The following FAM107B variants were observed in gnomAD, a reference collection of about 807,000 sequenced individuals.
The protein encoded by FAM107B is protein FAM107B.
A neutral mutation model predicts 31.5 loss-of-function variants in FAM107B; 21 were observed. That is an observed-to-expected ratio of 0.67 (90% CI 0.47 to 0.96). FAM107B has a LOEUF of 0.96. FAM107B is among the 40% of genes least tolerant of loss of function. The probability of loss-of-function intolerance (pLI) is 0.00; values close to 1 mark genes in which losing one functional copy is unlikely to be tolerated. For synonymous variants in FAM107B, 157 were observed against 141.5 expected, an observed-to-expected ratio of 1.11 and a Z score of -0.78; for missense variants, 452 against 377.1, an observed-to-expected ratio of 1.20 and a Z score of -1.64.
chr10:14,746,834 T>G (rs569084022), intron 1 of FAM107B, among the ~76,000 whole-genome samples: 2 of 152,348 alleles, frequency 1.3e-5, no homozygotes, highest in East Asian at 1.9e-4. Flanking sequence ...AATTTGAATG[T>G]TGATCTATCT....
intron 3 of FAM107B, among the ~76,000 whole-genome samples, chr10:14,527,088 C>T (rs920406379): frequency 6.6e-6 from 1 of 151,904 alleles, no homozygotes; most frequent in African/African-American, 2.4e-5. Context: ...CCACCCGCCT[C>T]GGCCTCCCAA....
intron 1 of FAM107B, among the ~76,000 whole-genome samples, chr10:14,706,670 C>T (rs1855527476): frequency 6.6e-6 from 1 of 152,194 alleles, no homozygotes; most frequent in Non-Finnish European, 1.5e-5. Flanking sequence ...CATTGTAAGG[C>T]ATAAAATCCA....
intron 2 of FAM107B, among the ~76,000 whole-genome samples, chr10:14,539,742 C>T (rs1847989001): frequency 6.6e-6 from 1 of 152,168 alleles, no homozygotes; most frequent in African/African-American, 2.4e-5. Flanking sequence ...CAAGGGCCCA[C>T]AGACAACTAT....
chr10:14,686,674 A>G (rs1207102987), intron 1 of FAM107B, among the ~76,000 whole-genome samples: 1 of 152,222 alleles, frequency 6.6e-6, no homozygotes, highest in East Asian at 1.9e-4. Context: ...TTTAGACTCC[A>G]GGCCTGGCAA....
chr10:14,636,122 T>A (rs1853492247), intron 2 of FAM107B, among the ~76,000 whole-genome samples: 1 of 152,186 alleles, frequency 6.6e-6, no homozygotes, highest in Non-Finnish European at 1.5e-5. Context: ...ACTTCTTCGA[T>A]GCTCCTTTGG....
At chr10:14,532,709 G>A (rs1847150377) in intron 2 of FAM107B, 1 of 152,220 alleles carries the variant, frequency 6.6e-6, no homozygotes, top group Non-Finnish European at 1.5e-5. Flanking sequence ...TCAGCCACAA[G>A]TGTCTGAAAA....
At chr10:14,598,013 A>AGTTGGGTTCTTCATTTTTTT (rs1278021115) in intron 2 of FAM107B, among the ~76,000 whole-genome samples, 1 of 152,098 alleles carries the variant, frequency 6.6e-6, no homozygotes, top group Non-Finnish European at 1.5e-5. Context: ...CCCATTTTTT[A>AGTTGGGTTCTTCATTTTTTT]GTTGGGTTCT....
At chr10:14,559,112 A>C (rs1343881196) in intron 2 of FAM107B, among the ~76,000 whole-genome samples, 25 of 68,992 alleles carry the variant, frequency 3.6e-4, no homozygotes, top group South Asian at 1.9e-3. Context: ...AAAAAAAAAA[A>C]AAAAACAAAA....
In FAM107B at chr10:14,520,450, C is replaced by T; in HGVS notation, c.*740G>A. ...ATTTAAAAACAAAACTGAACAGAAA[C>T]CCTCCTAGTAATCAAAGCAATTAAT... On this transcript the variant is annotated 3_prime_UTR_variant, in exon 5 of 5. Transcript: ENST00000181796. 1 of 152,354 alleles carries T rather than the reference C, an allele frequency of 6.6e-6. No individual in the cohort carries two copies. The allele number at this position is 152,354 out of a possible 1,614,324, so 9.4% of individuals were successfully genotyped here. A position where few individuals can be genotyped will look rare whatever the true frequency, so the allele number is the denominator to read the frequency against.
chr10:14,574,690 T>A (rs898613162), intron 2 of FAM107B, among the ~76,000 whole-genome samples: 1 of 152,202 alleles, frequency 6.6e-6, no homozygotes, highest in African/African-American at 2.4e-5. Flanking sequence ...GAAAAAGAAT[T>A]ACGAAATTAT....
At chr10:14,570,163 T>C (rs770586015) in intron 2 of FAM107B, among the ~76,000 whole-genome samples, 16 of 152,126 alleles carry the variant, frequency 1.1e-4, no homozygotes, top group Admixed American at 3.9e-4. Flanking sequence ...CCTATGTTAA[T>C]ATAAGGGTAG....
At chr10:14,686,044 A>G (rs917989125) in intron 1 of FAM107B, among the ~76,000 whole-genome samples, 1 of 152,142 alleles carries the variant, frequency 6.6e-6, no homozygotes, top group Admixed American at 6.6e-5. Flanking sequence ...CCCTGATTCA[A>G]TTATCTCCAC....
chr10:14,646,743 A>G (rs1035991109), intron 2 of FAM107B, among the ~76,000 whole-genome samples: 2 of 148,082 alleles, frequency 1.4e-5, no homozygotes, highest in Admixed American at 6.7e-5. Flanking sequence ...AGAGCTCGCC[A>G]TACTGTTTTC....
intron 2 of FAM107B, among the ~76,000 whole-genome samples, chr10:14,620,731 T>G (rs551257639): frequency 6.6e-6 from 1 of 152,268 alleles, no homozygotes; most frequent in East Asian, 1.9e-4. Flanking sequence ...CCTCCCTGTG[T>G]CCATGTGTTC....
intron 1 of FAM107B, among the ~76,000 whole-genome samples, chr10:14,739,237 G>T (rs2601750): frequency 0.49 from 74,533 of 151,966 alleles, 19,872 homozygotes; most frequent in African/African-American, 0.72. Context: ...AGCCTCCATC[G>T]CTCCATGACG....
At chr10:14,655,284 A>G (rs916977176) in intron 2 of FAM107B, among the ~76,000 whole-genome samples, 2 of 152,254 alleles carry the variant, frequency 1.3e-5, no homozygotes, top group Admixed American at 6.5e-5. Flanking sequence ...TCAAATTTCA[A>G]CATGAGATTT....
At chr10:14,663,416 A>C (rs1366157062) in intron 2 of FAM107B, 2 of 152,296 alleles carry the variant, frequency 1.3e-5, no homozygotes, top group Admixed American at 6.5e-5. Flanking sequence ...CCCCCATCCA[A>C]GTACTAACCA....
intron 1 of FAM107B, among the ~76,000 whole-genome samples, chr10:14,709,853 A>G (rs1035029477): frequency 6.6e-6 from 1 of 152,242 alleles, no homozygotes; most frequent in Non-Finnish European, 1.5e-5. Flanking sequence ...TTCCAAATAT[A>G]CGACATTCTG....
intron 1 of FAM107B, among the ~76,000 whole-genome samples, chr10:14,769,000 G>C (rs918752736): frequency 2.6e-5 from 4 of 152,166 alleles, no homozygotes; most frequent in Non-Finnish European, 4.4e-5. Context: ...CTGCTAAGTG[G>C]ACAGTAACTA....
Sources: gnomAD v4.1 joint callset for allele counts (sites outside exome capture counted in the v4.1 genomes callset) on GRCh38, gnomAD v4.1.1 for gene constraint, MANE v1.5 for transcripts, NCBI Gene and HGNC (gene_info 2026-07-23, HGNC 2026-07-21) for gene names.